Variants in NCOA3 observed in about 807,000 individuals in gnomAD.
The protein encoded by NCOA3 is CBP-interacting protein.
In NCOA3, 51 loss-of-function variants were observed where a neutral mutation model predicts 158.8. The ratio of observed to expected loss-of-function variants is 0.32; its 90% CI spans 0.26 to 0.41. NCOA3 has a LOEUF of 0.41. NCOA3 is among the 10% of genes least tolerant of loss of function. The pLI is 1.00. For synonymous variants in NCOA3, 537 were observed against 592.4 expected (o/e 0.91, Z 1.36); for missense variants, 1,510 against 1,746.6 (o/e 0.86, Z 2.41).
At position 47,571,320 on chromosome 20, in the gene NCOA3, C is replaced by CT. The variant is rs768257246; in HGVS notation, c.-98-11848dup. ...GTGCCCGGCTAATTTTCTTTTCTTTCTTTTTTTTTTTTTTTGAGACAGATT... is the reference window on the plus strand; with the variant it reads ...GTGCCCGGCTAATTTTCTTTTCTTTCTTTTTTTTTTTTTTTTGAGACAGATT... On this transcript the variant is annotated intron_variant, in intron 1 of 22. Coordinates refer to ENST00000371998, the MANE Select transcript of NCOA3 (RefSeq NM_181659.3). Among the ~76,000 whole-genome samples, 729 of 136,912 alleles carry CT rather than the reference C, an allele frequency of 5.3e-3. 2 individuals are homozygous for CT. The highest frequency in any genetic ancestry group is 7.9e-3 in the Middle Eastern group (2 of 252). The allele number at this position is 136,912 out of a possible 152,430, so 89.8% of individuals were successfully genotyped here.
intron 1 of NCOA3, among the ~76,000 whole-genome samples, chr20:47,517,451 CTTT>C (rs376699406): frequency 2.3e-5 from 3 of 129,266 alleles, no homozygotes; most frequent in South Asian, 2.4e-4. Context: ...TTTTCTTTTT[CTTT>C]TTTTTTTTTT....
intron 1 of NCOA3, among the ~76,000 whole-genome samples, chr20:47,551,835 A>G (rs2084931692): frequency 6.6e-6 from 1 of 152,270 alleles, no homozygotes; most frequent in Non-Finnish European, 1.5e-5. Context: ...ATACGTATGT[A>G]TCCTTCCATG....
intron 1 of NCOA3, among the ~76,000 whole-genome samples, chr20:47,542,818 C>T (rs750266260): frequency 2.6e-5 from 4 of 152,072 alleles, no homozygotes; most frequent in Non-Finnish European, 5.9e-5. Context: ...AAAAATTATC[C>T]GGGCATGGTG....
Position 47,580,906 on chromosome 20 carries a change from G to C in NCOA3, c.-98-2277G>C, listed in dbSNP as rs147906406. 9.2e-5 allele frequency among the ~76,000 whole-genome samples: 14 copies of C among 152,290 alleles called. No individual in the cohort carries two copies. In the East Asian group the frequency reaches 2.7e-3, roughly 29 times the overall value. ...ACTTGAGCTCAGGAGTTCAAGGCCA[G>C]CCTGGGCAACATGGTGAAACCCTGT... On this transcript the variant is annotated intron_variant, in intron 1 of 22. Coordinates refer to ENST00000371998, the MANE Select transcript of NCOA3 (RefSeq NM_181659.3).
intron 2 of NCOA3, among the ~76,000 whole-genome samples, chr20:47,617,863 T>C (rs1481203364): frequency 6.6e-6 from 1 of 152,248 alleles, no homozygotes; most frequent in African/African-American, 2.4e-5. Flanking sequence ...TGGTATCTTA[T>C]ACAGTTGTAC....
At chr20:47,628,140 G>A (rs1028932159) in intron 8 of NCOA3, 117 bp downstream of exon 8, 2 of 632,600 alleles carry the variant, frequency 3.2e-6, no homozygotes, top group African/African-American at 3.7e-5. Context: ...TATACCTACT[G>A]TAATGAGTGC....
Position 47,614,762 on chromosome 20 carries a change from C to T in NCOA3, c.-19-7467C>T, listed in dbSNP as rs116003294. Among the ~76,000 whole-genome samples the T allele has an allele frequency of 5.0e-3, 764 of 152,128 alleles. 5 individuals carry two copies. Among genetic ancestry groups the T allele is most frequent in the African/African-American group, 0.017 (712 of 41,494 alleles). Reference sequence around the variant, plus strand: ...GTAAGGGTTATGGGTAATATTAGACCACCACGAAGGGCAGTTTAGTGACAT... The same window carrying T: ...GTAAGGGTTATGGGTAATATTAGACTACCACGAAGGGCAGTTTAGTGACAT... On this transcript the variant is annotated intron_variant, in intron 2 of 22. Transcript: ENST00000371998.
At chr20:47,599,066 T>C (rs1196067067) in intron 2 of NCOA3, among the ~76,000 whole-genome samples, 1 of 152,216 alleles carries the variant, frequency 6.6e-6, no homozygotes, top group Non-Finnish European at 1.5e-5. Flanking sequence ...CCATATAGCC[T>C]AGATTTAGGC....
At chr20:47,513,517 G>A (rs2084180774) in intron 1 of NCOA3, among the ~76,000 whole-genome samples, 1 of 152,016 alleles carries the variant, frequency 6.6e-6, no homozygotes, top group African/African-American at 2.4e-5. Context: ...TTCAAGGCCA[G>A]GAGTTTGAGA....
chr20:47,600,401 C>T (rs545172439), intron 2 of NCOA3, among the ~76,000 whole-genome samples: 24 of 152,000 alleles, frequency 1.6e-4, no homozygotes, highest in African/African-American at 4.8e-4. Context: ...GTCTCGAACT[C>T]GTGACCTCAG....
intron 1 of NCOA3, among the ~76,000 whole-genome samples, chr20:47,516,342 CAAAAT>C (rs2084233931): frequency 6.6e-6 from 1 of 151,908 alleles, no homozygotes; most frequent in Non-Finnish European, 1.5e-5. Context: ...ACGCCTCTAA[CAAAAT>C]AAAGTGTTAA....
intron 17 of NCOA3, among the ~76,000 whole-genome samples, chr20:47,643,284 A>G (rs915586963): frequency 7.2e-5 from 11 of 152,260 alleles, no homozygotes; most frequent in African/African-American, 2.7e-4. Flanking sequence ...TAAGCAGGAA[A>G]GATCATCAGG....
chr20:47,546,796 G>C (rs1002498355), intron 1 of NCOA3, among the ~76,000 whole-genome samples: 1 of 152,086 alleles, frequency 6.6e-6, no homozygotes, highest in Non-Finnish European at 1.5e-5. Flanking sequence ...CTCCCAAAGT[G>C]CTGAGGTTAC....
At chr20:47,644,789 C>G (rs917769197) in intron 17 of NCOA3, among the ~76,000 whole-genome samples, 2 of 152,088 alleles carry the variant, frequency 1.3e-5, no homozygotes, top group Non-Finnish European at 2.9e-5. Flanking sequence ...CCTCCACCTC[C>G]TGTGTTCAAG....
chr20:47,525,706 C>T (rs1458514939), intron 1 of NCOA3, among the ~76,000 whole-genome samples: 5 of 117,394 alleles, frequency 4.3e-5, no homozygotes, highest in Admixed American at 7.9e-5. Flanking sequence ...GCTGGCCGGG[C>T]GGGGGGCTGA....
At position 47,652,854 on chromosome 20, in the gene NCOA3, TGTA is replaced by T. The variant is rs374529419; in HGVS notation, c.4122-73_4122-71del. On this transcript the variant is annotated intron_variant, in intron 21 of 22. Transcript: ENST00000371998. ...TAAGTATAGCAATGTTTGACACAAT[TGTA>T]GTAATTTCTGTGGGCATGCCCTTTG... 4.5e-4 allele frequency: 667 copies of T among 1,488,132 alleles called. 4 individuals carry two copies. The African/African-American group carries it at 8.2e-3, about 18-fold the overall frequency. 92.2% of individuals were successfully genotyped at this position (1,488,132 alleles called of 1,614,324 possible).
intron 16 of NCOA3, 45 bp from the exon 17 acceptor site, chr20:47,642,168 A>G (rs762801102): frequency 2.9e-4 from 221 of 762,730 alleles, no homozygotes; most frequent in Admixed American, 2.2e-3. Context: ...TTACTCTTAG[A>G]AAAAAAAAAA....
At chr20:47,629,631 G>T (rs118092451) in intron 8 of NCOA3, among the ~76,000 whole-genome samples, 1 of 152,036 alleles carries the variant, frequency 6.6e-6, no homozygotes, top group Admixed American at 6.6e-5. Flanking sequence ...ATGCCCGGCT[G>T]TATGTTACTT....
At chr20:47,528,226 G>A (rs1274697467) in intron 1 of NCOA3, among the ~76,000 whole-genome samples, 1 of 152,044 alleles carries the variant, frequency 6.6e-6, no homozygotes, top group Non-Finnish European at 1.5e-5. Context: ...TCCATATATA[G>A]GGAAAGAAAA....
Sources: allele counts gnomAD v4.1 joint callset (sites outside exome capture counted in the v4.1 genomes callset), GRCh38; gene constraint gnomAD v4.1.1; transcripts MANE v1.5; gene names NCBI Gene and HGNC (gene_info 2026-07-23, HGNC 2026-07-21).